PRKN: variants seen among roughly 807,000 people sequenced by gnomAD.
PRKN encodes parkin RBR E3 ubiquitin protein ligase.
A neutral mutation model predicts 59.5 loss-of-function variants in PRKN; 56 were observed. That is an observed-to-expected ratio of 0.94 (90% CI 0.76 to 1.18). PRKN has a LOEUF of 1.18. Ranked by LOEUF, PRKN falls within the 50% of genes most tolerant of loss-of-function variation. The pLI, the probability that PRKN is intolerant of heterozygous loss-of-function variation, is 0.00. For missense variants in PRKN, 657 were observed against 596.4 expected (o/e 1.10, Z -1.06); for synonymous variants, 250 against 222.1 (o/e 1.13, Z -1.12).
At chr6:161,506,827 A>G (rs505845) in intron 9 of PRKN, among the ~76,000 whole-genome samples, 121,291 of 152,190 alleles carry the variant, frequency 0.8, 48,601 homozygotes, top group Middle Eastern at 0.87. Context: ...GTTGTAAACT[A>G]GGCCATTGGT....
chr6:162,001,177 C>T (rs1782040169), intron 5 of PRKN, among the ~76,000 whole-genome samples: 1 of 151,962 alleles, frequency 6.6e-6, no homozygotes, highest in South Asian at 2.1e-4. Context: ...TTGATATTCA[C>T]AAGTTAACAT....
At position 161,410,707 on chromosome 6, in the gene PRKN, G is replaced by A. The variant is rs947964668; in HGVS notation, c.1084-23830C>T. Among the ~76,000 whole-genome samples, 4 of 152,094 alleles carry A rather than the reference G, an allele frequency of 2.6e-5. No homozygotes were observed. Among genetic ancestry groups the A allele is most frequent in the Admixed American group, 2.6e-4 (4 of 15,278 alleles). Reference sequence around the variant, plus strand: ...TGGGGAGGATGCAGGGAAGAGAATCGGGGTCACTGTGAGGGAGGGGCAACA... The same window carrying A: ...TGGGGAGGATGCAGGGAAGAGAATCAGGGTCACTGTGAGGGAGGGGCAACA... On this transcript the variant is annotated intron_variant, in intron 9 of 11. Transcript: ENST00000366898. This position sits in a 1 kb window ranked among gnomAD's most constrained non-coding sequence, Gnocchi z 5.3.
intron 1 of PRKN, among the ~76,000 whole-genome samples, chr6:162,711,794 T>A (rs1164046348): frequency 6.6e-6 from 1 of 152,198 alleles, no homozygotes; most frequent in East Asian, 1.9e-4. Context: ...TGAGGGTTGC[T>A]TTCTGAAACA....
At chr6:161,788,121 C>G (rs1790498338) in intron 6 of PRKN, among the ~76,000 whole-genome samples, 2 of 152,324 alleles carry the variant, frequency 1.3e-5, no homozygotes, top group South Asian at 2.1e-4. Context: ...GAAGAGTTCT[C>G]TCTCACATGG....
chr6:161,567,808 A>G (rs1371378130), intron 8 of PRKN, among the ~76,000 whole-genome samples: 1 of 152,208 alleles, frequency 6.6e-6, no homozygotes, highest in Non-Finnish European at 1.5e-5. Context: ...CACTGCAAAT[A>G]TTGGTACAAG....
At chr6:161,508,796 G>A (rs1019453673) in intron 9 of PRKN, among the ~76,000 whole-genome samples, 1 of 151,912 alleles carries the variant, frequency 6.6e-6, no homozygotes, top group African/African-American at 2.4e-5. Context: ...AATGCAAAAC[G>A]GACCAGAGCT....
chr6:161,455,998 G>T (rs2115142200), intron 9 of PRKN, among the ~76,000 whole-genome samples: 1 of 152,182 alleles, frequency 6.6e-6, no homozygotes, highest in African/African-American at 2.4e-5. Context: ...GTTTCTTCCA[G>T]TTCAAAATCA....
chr6:162,084,627 T>C (rs940900711), intron 4 of PRKN, among the ~76,000 whole-genome samples: 4 of 152,146 alleles, frequency 2.6e-5, no homozygotes, highest in Non-Finnish European at 5.9e-5. Context: ...ATCTGAGAGA[T>C]ACCTGAGTTA....
rs1457104946 is a variant in PRKN, at chr6:161,593,596, G to A, written c.872-24180C>T. Among the ~76,000 whole-genome samples, 1 of 152,118 alleles carries A rather than the reference G, an allele frequency of 6.6e-6. No homozygotes were observed. The highest frequency in any genetic ancestry group is 1.5e-5 in the Non-Finnish European group (1 of 68,024). On this transcript the variant is annotated intron_variant, in intron 7 of 11. Transcript: ENST00000366898. The surrounding 1 kb of genome is among the most constrained non-coding windows in gnomAD (Gnocchi z 4.8). ...AGGTCTTGCTGGTGGGCTGCCCTGT[G>A]GAGCAGACAAAGGAAAAGGAGGCAG...
At chr6:162,539,331 T>G (rs1227594335) in intron 1 of PRKN, among the ~76,000 whole-genome samples, 2 of 152,148 alleles carry the variant, frequency 1.3e-5, no homozygotes, top group Non-Finnish European at 2.9e-5. Context: ...ATGGGTAAAT[T>G]AGCATTTGGA....
At chr6:162,521,796 C>A (rs1778088190) in intron 1 of PRKN, among the ~76,000 whole-genome samples, 1 of 151,994 alleles carries the variant, frequency 6.6e-6, no homozygotes, top group Non-Finnish European at 1.5e-5. Flanking sequence ...TTATATGGTT[C>A]AAATTGTTAA....
At chr6:162,427,758 G>T (rs1239079307) in intron 2 of PRKN, among the ~76,000 whole-genome samples, 1 of 151,224 alleles carries the variant, frequency 6.6e-6, no homozygotes, top group Non-Finnish European at 1.5e-5. Context: ...CCATTCTCCT[G>T]CCTCAGCCTC....
At chr6:162,382,826 C>T (rs1293995243) in intron 2 of PRKN, among the ~76,000 whole-genome samples, 3 of 152,194 alleles carry the variant, frequency 2.0e-5, no homozygotes, top group African/African-American at 7.2e-5. Flanking sequence ...CTCTCAAAGC[C>T]ACTGCTTTAT....
intron 2 of PRKN, among the ~76,000 whole-genome samples, chr6:162,362,639 T>C (rs1046925380): frequency 5.3e-5 from 8 of 152,076 alleles, no homozygotes; most frequent in Admixed American, 1.3e-4. Flanking sequence ...ATGGGAGACA[T>C]TGTAAATATT....
At chr6:161,900,530 T>A (rs924236780) in intron 6 of PRKN, among the ~76,000 whole-genome samples, 343 of 93,610 alleles carry the variant, frequency 3.7e-3, no homozygotes, top group African/African-American at 0.013. Flanking sequence ...AACATATCTT[T>A]TATATATATT....
intron 4 of PRKN, among the ~76,000 whole-genome samples, chr6:162,162,242 C>A (rs1048845108): frequency 3.9e-5 from 6 of 152,164 alleles, no homozygotes; most frequent in Admixed American, 1.3e-4. Context: ...TGCCACCATA[C>A]CTGGCTAATT....
chr6:162,568,565 G>T, intron 1 of PRKN: 1 of 815,578 alleles, frequency 1.2e-6, no homozygotes, highest in Non-Finnish European at 2.1e-6. Flanking sequence ...TCCAGGCCGT[G>T]CAGGAGCAGG....
At chr6:162,591,055 C>T (rs769431893) in intron 1 of PRKN, among the ~76,000 whole-genome samples, 16 of 152,132 alleles carry the variant, frequency 1.1e-4, no homozygotes, top group Middle Eastern at 3.4e-3. Context: ...TCCTGAATGG[C>T]GCACTCCTTC....
intron 1 of PRKN, among the ~76,000 whole-genome samples, chr6:162,535,412 A>T (rs764773815): frequency 1.2e-4 from 19 of 152,196 alleles, no homozygotes; most frequent in Non-Finnish European, 2.4e-4. Context: ...ATATATGTAC[A>T]TATATACCTG....
Sources: allele counts gnomAD v4.1 joint callset (sites outside exome capture counted in the v4.1 genomes callset), GRCh38; gene constraint gnomAD v4.1.1; non-coding constraint Gnocchi (gnomAD v3.1); transcripts MANE v1.5; gene names NCBI Gene and HGNC (gene_info 2026-07-23, HGNC 2026-07-21).